Variants in GSE1 observed in about 807,000 individuals in gnomAD.
GSE1 encodes genetic suppressor element 1.
GSE1 carries 32 observed loss-of-function variants against 112.6 expected under a neutral mutation model. The observed-to-expected ratio is 0.28, with a 90% CI of 0.21 to 0.38. GSE1 has a LOEUF of 0.38. Ranked by LOEUF, GSE1 falls within the 10% of genes least tolerant of loss-of-function variation. The pLI, the probability that GSE1 is intolerant of heterozygous loss-of-function variation, is 1.00. For missense variants in GSE1, 2,348 were observed against 1,699.2 expected (o/e 1.38, Z -6.71); for synonymous variants, 1,115 against 735.6 (o/e 1.52, Z -8.35).
At chr16:85,436,705 T>TGGGCGCCTGTCTCCTGCCCGA in intron 2 of GSE1, among the ~76,000 whole-genome samples, 1 of 152,218 alleles carries the variant, frequency 6.6e-6, no homozygotes, top group African/African-American at 2.4e-5. Flanking sequence ...GAAGGGCCCG[T>TGGGCGCCTGTCTCCTGCCCGA]GGGCGCCTGT....
chr16:85,557,267 G>A (rs1177870261), intron 1 of GSE1, among the ~76,000 whole-genome samples: 1 of 152,198 alleles, frequency 6.6e-6, no homozygotes, highest in African/African-American at 2.4e-5. Context: ...GCCCCAGGTG[G>A]GGCCACGTGA....
intron 1 of GSE1, among the ~76,000 whole-genome samples, chr16:85,343,152 A>G (rs969473200): frequency 1.3e-5 from 2 of 152,098 alleles, no homozygotes; most frequent in Non-Finnish European, 2.9e-5. Context: ...CGTCCACACT[A>G]CGGCACGCTC....
chr16:85,401,025 C>T (rs1421792658), intron 2 of GSE1, among the ~76,000 whole-genome samples: 1 of 152,146 alleles, frequency 6.6e-6, no homozygotes, highest in Non-Finnish European at 1.5e-5. Context: ...GGTGCAGATC[C>T]AGAGACCCCA....
intron 2 of GSE1, among the ~76,000 whole-genome samples, chr16:85,399,786 C>T (rs2151666987): frequency 6.6e-6 from 1 of 152,362 alleles, no homozygotes; most frequent in South Asian, 2.1e-4. Flanking sequence ...GATTAGGAAT[C>T]TGTGCTTCGC....
At chr16:85,369,008 T>C (rs772722678) in intron 2 of GSE1, among the ~76,000 whole-genome samples, 3 of 152,202 alleles carry the variant, frequency 2.0e-5, no homozygotes, top group Admixed American at 6.5e-5. Flanking sequence ...TCTGTGTTGC[T>C]GTAAGAAGTC....
At chr16:85,173,819 C>T (rs988898685) in intron 1 of GSE1, among the ~76,000 whole-genome samples, 6 of 152,108 alleles carry the variant, frequency 3.9e-5, no homozygotes, top group African/African-American at 9.7e-5. Flanking sequence ...TGGACGGGAA[C>T]GCAGGCTGGT....
chr16:85,486,642 G>A (rs577850190), intron 2 of GSE1, among the ~76,000 whole-genome samples: 2 of 152,222 alleles, frequency 1.3e-5, no homozygotes, highest in East Asian at 1.9e-4. Flanking sequence ...CCCCAGCCTC[G>A]TCCCACTCCT....
rs1019602395 is a variant in GSE1 at position 85,619,026 on chromosome 16, G to A, written c.7+5628G>A. The stretch of plus-strand genomic sequence containing the variant: ...TACGCTCAACTGACTCCCTTGCGGT[G>A]TTGGGGGTGGCCCCTTTTCCCAAAA... On this transcript the variant is annotated intron_variant, in intron 1 of 15. Coordinates refer to ENST00000253458, the MANE Select transcript of GSE1 (RefSeq NM_014615.5). 3.9e-5 allele frequency among the ~76,000 whole-genome samples: 6 copies of A among 152,360 alleles called. No homozygotes were observed. The South Asian group carries it at 8.3e-4, about 21-fold the overall frequency.
At chr16:85,649,064 A>G (rs1598573368) in intron 3 of GSE1, among the ~76,000 whole-genome samples, 1 of 152,060 alleles carries the variant, frequency 6.6e-6, no homozygotes, top group African/African-American at 2.4e-5. Flanking sequence ...TGGTTTCCCC[A>G]GAGGCCTCTC....
chr16:85,284,424 C>A (rs554700456), intron 1 of GSE1, among the ~76,000 whole-genome samples: 2 of 152,320 alleles, frequency 1.3e-5, no homozygotes, highest in African/African-American at 2.4e-5. Context: ...CCAGGTGAGA[C>A]CTGCCTCCCT....
intron 1 of GSE1, among the ~76,000 whole-genome samples, chr16:85,315,703 C>T (rs935152476): frequency 6.6e-6 from 1 of 152,192 alleles, no homozygotes; most frequent in Admixed American, 6.5e-5. Context: ...ACAACGAACA[C>T]GCTTTTAGTA....
At chr16:85,462,590 C>A (rs1335156117) in intron 2 of GSE1, among the ~76,000 whole-genome samples, 1 of 144,908 alleles carries the variant, frequency 6.9e-6, no homozygotes, top group Non-Finnish European at 1.5e-5. Context: ...TTAGCAGCGG[C>A]GGGGAGAGGT....
At chr16:85,213,022 A>G (rs2046121472) in intron 1 of GSE1, among the ~76,000 whole-genome samples, 2 of 151,956 alleles carry the variant, frequency 1.3e-5, no homozygotes, top group Admixed American at 6.5e-5. Flanking sequence ...TGTAATCCCA[A>G]CACTTTGGGA....
At chr16:85,352,592 T>G (rs575853061) in intron 1 of GSE1, among the ~76,000 whole-genome samples, 1 of 152,318 alleles carries the variant, frequency 6.6e-6, no homozygotes, top group East Asian at 1.9e-4. Context: ...TATGCAGGTT[T>G]CAGGGCCTGC....
At chr16:85,240,899 C>T (rs991901833) in intron 1 of GSE1, among the ~76,000 whole-genome samples, 1 of 152,150 alleles carries the variant, frequency 6.6e-6, no homozygotes, top group Non-Finnish European at 1.5e-5. Flanking sequence ...CAGAAACACG[C>T]CTTTCTGTAA....
chr16:85,574,032 C>T (rs1239507774), intron 1 of GSE1, among the ~76,000 whole-genome samples: 4 of 152,186 alleles, frequency 2.6e-5, no homozygotes, highest in East Asian at 1.9e-4. Flanking sequence ...CGGGGACTGG[C>T]TTGGGAGAGG....
chr16:85,651,203 G>A (rs991933554), intron 3 of GSE1, among the ~76,000 whole-genome samples: 18 of 151,672 alleles, frequency 1.2e-4, no homozygotes, highest in African/African-American at 3.6e-4. Flanking sequence ...GTGAGACCCC[G>A]GCTGCCGCTA....
intron 1 of GSE1, among the ~76,000 whole-genome samples, chr16:85,257,635 C>T (rs1416330542): frequency 6.6e-6 from 1 of 152,196 alleles, no homozygotes; most frequent in Non-Finnish European, 1.5e-5. Flanking sequence ...CATAGTGAGA[C>T]CCCCGTTTCT....
chr16:85,408,814 GC>G (rs1164835589), intron 2 of GSE1, among the ~76,000 whole-genome samples: 3 of 59,488 alleles, frequency 5.0e-5, no homozygotes, highest in Non-Finnish European at 6.7e-5. Flanking sequence ...TGCACTCAGG[GC>G]CCCCCGGATA....
Sources: allele counts gnomAD v4.1 joint callset (sites outside exome capture counted in the v4.1 genomes callset), GRCh38; gene constraint gnomAD v4.1.1; transcripts MANE v1.5; gene names NCBI Gene and HGNC (gene_info 2026-07-23, HGNC 2026-07-21).